Variants in SUCO observed in about 807,000 individuals in gnomAD.
SUCO encodes SUN domain containing ossification factor.
A neutral mutation model predicts 148.1 loss-of-function variants in SUCO; 57 were observed. The ratio of observed to expected loss-of-function variants is 0.38; its 90% CI spans 0.31 to 0.48. The LOEUF is 0.48. Ranked by LOEUF, SUCO falls within the 20% of genes least tolerant of loss-of-function variation. The probability of loss-of-function intolerance (pLI) is 0.96; values close to 1 mark genes in which losing one functional copy is unlikely to be tolerated. For synonymous variants in SUCO, 470 were observed against 502.7 expected (o/e 0.93, Z 0.87); for missense variants, 1,331 against 1,468.2 (o/e 0.91, Z 1.53).
chr1:172,570,209 A>G (rs1654849312), intron 8 of SUCO, 38 bp downstream of exon 8: 2 of 1,289,958 alleles, frequency 1.6e-6, no homozygotes, highest in Non-Finnish European at 2.1e-6. Context: ...TATATAGGAA[A>G]TTAACGACTT....
upstream of SUCO, chr1:172,532,800 C>G (rs1651684607): frequency 6.2e-7 from 1 of 1,606,666 alleles, no homozygotes; most frequent in Non-Finnish European, 8.5e-7. Context: ...GGACGAAGGG[C>G]GGTCCACTGT....
rs1571229074 is a variant in SUCO, at chr1:172,570,942, T to A, written c.1049+212T>A. 1.3e-5 allele frequency: 6 copies of A among 463,184 alleles called. No homozygotes were observed. In the South Asian group the frequency reaches 2.2e-4, roughly 17 times the overall value. 28.7% of individuals were successfully genotyped at this position (463,184 alleles called of 1,614,324 possible). On this transcript the variant is annotated intron_variant, in intron 9 of 23. Coordinates refer to ENST00000263688, the MANE Select transcript of SUCO (RefSeq NM_014283.5). ...AATGGCAGATCTGGTTAAACAATTA[T>A]GAAATGGTATAAAAAGTACTGTTGA...
intron 19 of SUCO, among the ~76,000 whole-genome samples, chr1:172,593,425 T>C (rs2149263743): frequency 6.6e-6 from 1 of 152,284 alleles, no homozygotes; most frequent in South Asian, 2.1e-4. Flanking sequence ...CATAAATAGC[T>C]CTTATTATTT....
intron 23 of SUCO, 149 bp downstream of exon 23, chr1:172,608,951 CAG>C (rs949592669): frequency 3.8e-4 from 251 of 657,296 alleles, no homozygotes; most frequent in Non-Finnish European, 4.9e-4. Context: ...TAAATATTAA[CAG>C]GGGTCAGCAA....
intron 1 of SUCO, chr1:172,550,839 A>C (rs1653240212): frequency 2.2e-6 from 2 of 921,928 alleles, no homozygotes; most frequent in Non-Finnish European, 1.3e-6. Context: ...TAATCGTAAC[A>C]TATTTTTCCT....
intron 15 of SUCO, among the ~76,000 whole-genome samples, chr1:172,581,718 T>C (rs1233766484): frequency 6.6e-6 from 1 of 152,170 alleles, no homozygotes; most frequent in African/African-American, 2.4e-5. Flanking sequence ...TAGTTTTTTT[T>C]CTTGTTTTTA....
chr1:172,556,287 CA>C (rs1336006379), intron 4 of SUCO, among the ~76,000 whole-genome samples: 2 of 152,114 alleles, frequency 1.3e-5, no homozygotes, highest in African/African-American at 4.8e-5. Context: ...ATAGTCTGAG[CA>C]AAGTAAGGTT....
chr1:172,579,805 C>A (rs1655741462), intron 15 of SUCO, among the ~76,000 whole-genome samples: 2 of 152,146 alleles, frequency 1.3e-5, no homozygotes, highest in South Asian at 4.1e-4. Context: ...CTAGAAAGAC[C>A]ATTACCTGAC....
chr1:172,532,890 C>G, upstream of SUCO: 2 of 1,465,470 alleles, frequency 1.4e-6, no homozygotes, highest in Non-Finnish European at 1.8e-6. Flanking sequence ...CTGGGGCGGG[C>G]GGAGCGGCGA....
intron 1 of SUCO, chr1:172,543,119 CT>C: frequency 1.8e-6 from 1 of 544,820 alleles, no homozygotes; most frequent in Non-Finnish European, 2.3e-6. Flanking sequence ...CTGGATTTGT[CT>C]TACATGCAGC....
chr1:172,539,937 G>A (rs947998886), intron 1 of SUCO, among the ~76,000 whole-genome samples: 1 of 152,148 alleles, frequency 6.6e-6, no homozygotes, highest in Non-Finnish European at 1.5e-5. Flanking sequence ...GGTGTAGTGT[G>A]AAAGGCATAA....
At chr1:172,567,341 G>A (rs1654623082) in intron 6 of SUCO, among the ~76,000 whole-genome samples, 1 of 151,292 alleles carries the variant, frequency 6.6e-6, no homozygotes, top group African/African-American at 2.5e-5. Flanking sequence ...TGGAATAAAT[G>A]TCTGTATTCA....
intron 19 of SUCO, among the ~76,000 whole-genome samples, chr1:172,594,332 G>GT (rs1214296685): frequency 7.9e-5 from 12 of 151,338 alleles, no homozygotes; most frequent in African/African-American, 2.9e-4. Context: ...GCTTTTGAAT[G>GT]GTTTGCTCTT....
chr1:172,602,771 G>T lies in SUCO; in HGVS notation c.3249G>T (p.Gln1083His). The change falls in exon 22 of 24, where the codon CAG (glutamine) becomes CAT (histidine). Residue 1083 changes from glutamine (Q) to histidine (H), a missense_variant. Around this residue, in one of 3 missense-constraint regions of SUCO, gnomAD observed 334 missense variants for 352.3 expected, o/e 0.95. Transcript: ENST00000263688. ...SFPLMRSKSLQLTGKEVDPND... is the reference protein window; with the variant it reads ...SFPLMRSKSLHLTGKEVDPND... ...CACTCATGAGATCCAAGTCTCTACA[G>T]TTAACTGGCAAAGAAGGTAGATTTC... 1 of 1,612,242 alleles carries T rather than the reference G, an allele frequency of 6.2e-7. No homozygotes were observed. The highest frequency in any genetic ancestry group is 2.2e-5 in the East Asian group (1 of 44,804).
chr1:172,559,943 C>T (rs1399904621), intron 6 of SUCO, among the ~76,000 whole-genome samples: 3 of 152,170 alleles, frequency 2.0e-5, no homozygotes, highest in Non-Finnish European at 2.9e-5. Flanking sequence ...CTTCCCACCT[C>T]ATTCCTCCCT....
chr1:172,561,292 T>TG lies in SUCO; in HGVS notation c.732+3504dup, dbSNP rs1006266052. 3.3e-5 allele frequency among the ~76,000 whole-genome samples: 5 copies of TG among 152,196 alleles called. No individual in the cohort carries two copies. The East Asian group carries it at 9.7e-4, about 29-fold the overall frequency. ...GGAGGTTCAGGTGGATTTCATTCAG[T>TG]GGGGGGAGTTCATTCCACTTATCAA... On this transcript the variant is annotated intron_variant, in intron 6 of 23. Coordinates refer to ENST00000263688, the MANE Select transcript of SUCO (RefSeq NM_014283.5).
At chr1:172,576,912 A>G in intron 11 of SUCO, 1 of 766,306 alleles carries the variant, frequency 1.3e-6, no homozygotes, top group Non-Finnish European at 1.6e-6. Context: ...CCTTATCTTA[A>G]AATAACTACA....
chr1:172,562,248 A>G (rs1654213058), intron 6 of SUCO, among the ~76,000 whole-genome samples: 1 of 152,246 alleles, frequency 6.6e-6, no homozygotes, highest in African/African-American at 2.4e-5. Context: ...GAAGCTTTCA[A>G]AAGAATAGAT....
intron 22 of SUCO, among the ~76,000 whole-genome samples, chr1:172,605,343 A>G (rs962494801): frequency 2.6e-5 from 4 of 151,852 alleles, no homozygotes; most frequent in African/African-American, 9.7e-5. Context: ...TGTATATAGT[A>G]TAAGATAAGG....
Sources: gnomAD v4.1 joint callset for allele counts (sites outside exome capture counted in the v4.1 genomes callset) on GRCh38, gnomAD v4.1.1 for gene constraint, gnomAD v4.1.1 regional missense constraint, MANE v1.5 for transcripts, NCBI Gene and HGNC (gene_info 2026-07-23, HGNC 2026-07-21) for gene names.